The following ATP6V0D2 variants were observed in gnomAD, a reference collection of about 807,000 sequenced individuals.
ATP6V0D2 encodes ATPase H+ transporting V0 subunit d2.
A neutral mutation model predicts 40.0 loss-of-function variants in ATP6V0D2; 40 were observed. The ratio of observed to expected loss-of-function variants is 1.00; its 90% CI spans 0.78 to 1.30. The LOEUF (loss-of-function observed/expected upper bound fraction) is 1.30. ATP6V0D2 is among the 50% of genes most tolerant of loss of function. The pLI is 0.00. For synonymous variants in ATP6V0D2, 179 were observed against 156.3 expected (o/e 1.15, Z -1.08); for missense variants, 470 against 423.1 (o/e 1.11, Z -0.97).
intron 1 of ATP6V0D2, among the ~76,000 whole-genome samples, chr8:86,108,877 C>G (rs1818501979): frequency 6.6e-6 from 1 of 152,158 alleles, no homozygotes; most frequent in Admixed American, 6.5e-5. Context: ...TATATTATGA[C>G]TCAGTGCATA....
intron 1 of ATP6V0D2, among the ~76,000 whole-genome samples, chr8:86,111,452 T>A (rs577412833): frequency 6.6e-6 from 1 of 152,284 alleles, no homozygotes; most frequent in East Asian, 1.9e-4. Context: ...TCCTATGGTA[T>A]ATTTATACCA....
intron 2 of ATP6V0D2, among the ~76,000 whole-genome samples, chr8:86,115,940 C>T (rs540211130): frequency 6.6e-6 from 1 of 152,058 alleles, no homozygotes; most frequent in African/African-American, 2.4e-5. Context: ...GCCTTTGGCA[C>T]AAAGGAAAAC....
intron 2 of ATP6V0D2, among the ~76,000 whole-genome samples, chr8:86,127,603 T>C (rs1383179183): frequency 3.9e-5 from 6 of 152,074 alleles, no homozygotes. Context: ...TCTGTCTTTT[T>C]TGTAGAGAGG....
rs577015369 is a variant in ATP6V0D2, at chr8:86,110,242, A to C, written c.131-3467A>C. 2.0e-5 allele frequency among the ~76,000 whole-genome samples: 3 copies of C among 151,944 alleles called. No individual in the cohort carries two copies. In the South Asian group the frequency reaches 6.2e-4, roughly 32 times the overall value. ...TCTGAGTAGCTGGGATTACAGGCGC[A>C]CACCACCACACCCAACTAATTTTTG... is the stretch of plus-strand genomic sequence containing the variant. On this transcript the variant is annotated intron_variant, in intron 1 of 7. Transcript: ENST00000285393.
intron 2 of ATP6V0D2, among the ~76,000 whole-genome samples, chr8:86,124,033 A>T (rs1241918969): frequency 6.6e-6 from 1 of 152,152 alleles, no homozygotes; most frequent in African/African-American, 2.4e-5. Flanking sequence ...TCAAATTTCT[A>T]ATAATATGAA....
chr8:86,125,944 A>T (rs183398197), intron 2 of ATP6V0D2, among the ~76,000 whole-genome samples: 3 of 149,016 alleles, frequency 2.0e-5, no homozygotes, highest in African/African-American at 4.9e-5. Flanking sequence ...TCATTAACTT[A>T]TTTGTTTTTC....
intron 2 of ATP6V0D2, among the ~76,000 whole-genome samples, chr8:86,138,872 T>G (rs1205398262): frequency 6.6e-6 from 1 of 152,222 alleles, no homozygotes; most frequent in East Asian, 1.9e-4. Context: ...GAGGGGCTTC[T>G]TCCGCATATT....
chr8:86,145,456 A>G (rs1033592932), intron 5 of ATP6V0D2, among the ~76,000 whole-genome samples: 2 of 152,150 alleles, frequency 1.3e-5, no homozygotes, highest in African/African-American at 4.8e-5. Flanking sequence ...TGAAATTCTT[A>G]AAATAAAGCC....
At chr8:86,116,719 A>G (rs1818595522) in intron 2 of ATP6V0D2, among the ~76,000 whole-genome samples, 1 of 152,252 alleles carries the variant, frequency 6.6e-6, no homozygotes, top group African/African-American at 2.4e-5. Flanking sequence ...GCAGGTCTTG[A>G]ACTTATTTCT....
intron 2 of ATP6V0D2, 105 bp downstream of exon 2, chr8:86,113,985 C>T: frequency 1.9e-6 from 2 of 1,076,740 alleles, no homozygotes; most frequent in South Asian, 2.6e-5. Context: ...AAGACCTTTT[C>T]CATTGTTTGT....
chr8:86,115,570 G>A (rs917134406), intron 2 of ATP6V0D2, among the ~76,000 whole-genome samples: 1 of 151,316 alleles, frequency 6.6e-6, no homozygotes, highest in Non-Finnish European at 1.5e-5. Flanking sequence ...GGGTTTCACC[G>A]TGTTGTCTGG....
chr8:86,141,231 G>A (rs567396057), intron 3 of ATP6V0D2, among the ~76,000 whole-genome samples: 46 of 152,262 alleles, frequency 3.0e-4, no homozygotes, highest in African/African-American at 1.1e-3. Context: ...CCTGGGGGTT[G>A]GGGACCCCTG....
chr8:86,117,886 A>G (rs948163056), intron 2 of ATP6V0D2, among the ~76,000 whole-genome samples: 2 of 152,120 alleles, frequency 1.3e-5, no homozygotes, highest in Non-Finnish European at 2.9e-5. Context: ...GGAAGGAGGA[A>G]GTGGGGAAAC....
At chr8:86,146,787 T>C (rs938351652) in intron 5 of ATP6V0D2, among the ~76,000 whole-genome samples, 5 of 152,200 alleles carry the variant, frequency 3.3e-5, no homozygotes, top group Admixed American at 2.6e-4. Context: ...AATTATATGA[T>C]CAAAGGGTGT....
rs188292730 is a variant in ATP6V0D2, at chr8:86,108,326, G to A, written c.131-5383G>A. On this transcript the variant is annotated intron_variant, in intron 1 of 7. Coordinates refer to ENST00000285393, the MANE Select transcript of ATP6V0D2 (RefSeq NM_152565.1). ...CAGCTAACTTTTTTTTTCTTTTGTA[G>A]AGTTGGGGTTTTGCCATGTTGCCCA... Among the ~76,000 whole-genome samples, 386 of 151,988 alleles carry A rather than the reference G, an allele frequency of 2.5e-3. 2 individuals are homozygous for A. Among genetic ancestry groups the A allele is most frequent in the African/African-American group, 7.9e-3 (328 of 41,448 alleles).
chr8:86,111,981 T>C (rs970664358), intron 1 of ATP6V0D2, among the ~76,000 whole-genome samples: 1 of 152,236 alleles, frequency 6.6e-6, no homozygotes, highest in Non-Finnish European at 1.5e-5. Context: ...TTCTGGTCTA[T>C]CTTTGGGTCT....
intron 2 of ATP6V0D2, among the ~76,000 whole-genome samples, chr8:86,119,527 C>A (rs1818641459): frequency 6.6e-6 from 1 of 152,178 alleles, no homozygotes; most frequent in South Asian, 2.1e-4. Flanking sequence ...CTGCCCCTGG[C>A]CCTAATCATA....
chr8:86,153,852 C>T lies in ATP6V0D2; in HGVS notation c.*875C>T, dbSNP rs537642378. 7 of 152,460 alleles carry T rather than the reference C, an allele frequency of 4.6e-5. No individual in the cohort carries two copies. The highest frequency in any genetic ancestry group is 1.4e-4 in the African/African-American group (6 of 41,554). 9.4% of individuals were successfully genotyped at this position (152,460 alleles called of 1,614,324 possible). A position where few individuals can be genotyped will look rare whatever the true frequency, so the allele number is the denominator to read the frequency against. ...TGGCGTGATCTCGGCTCACTGCAAC[C>T]TCCACCTCCCAGATTCAAGCAACTC... On this transcript the variant is annotated 3_prime_UTR_variant, in exon 8 of 8. Transcript: ENST00000285393.
At position 86,140,338 on chromosome 8, in the gene ATP6V0D2, A is replaced by T. The variant is rs182701777; in HGVS notation, c.481+703A>T. 1.3e-3 allele frequency among the ~76,000 whole-genome samples: 198 copies of T among 152,248 alleles called. 4 individuals carry two copies. Among genetic ancestry groups the T allele is most frequent in the African/African-American group, 4.6e-3 (190 of 41,522 alleles). Reference sequence around the variant, plus strand: ...TAGATATTTTAAAAAGCAAAAAAAAAATATTTGTGTCATCATTAAGCACCC... The same window carrying T: ...TAGATATTTTAAAAAGCAAAAAAAATATATTTGTGTCATCATTAAGCACCC... On this transcript the variant is annotated intron_variant, in intron 3 of 7. Coordinates refer to ENST00000285393, the MANE Select transcript of ATP6V0D2 (RefSeq NM_152565.1).
Sources: gnomAD v4.1 joint callset for allele counts (sites outside exome capture counted in the v4.1 genomes callset) on GRCh38, gnomAD v4.1.1 for gene constraint, MANE v1.5 for transcripts, NCBI Gene and HGNC (gene_info 2026-07-23, HGNC 2026-07-21) for gene names.